PIAS3: variants seen among roughly 807,000 people sequenced by gnomAD.
The protein encoded by PIAS3 is E3 SUMO-protein ligase PIAS3.
In PIAS3, 34 loss-of-function variants were observed where a neutral mutation model predicts 67.6. That is an observed-to-expected ratio of 0.50 (90% confidence interval 0.38 to 0.67). PIAS3 has a LOEUF of 0.67. PIAS3 is among the 30% of genes least tolerant of loss of function. PIAS3 has a pLI of 0.00. For missense variants in PIAS3, 693 were observed against 791.6 expected (o/e 0.88, Z 1.49); for synonymous variants, 341 against 313.8 (o/e 1.09, Z -0.92).
At chr1:145,858,865 G>T (rs1553736102) in intron 1 of PIAS3, 102 bp downstream of exon 1, 3 of 1,096,644 alleles carry the variant, frequency 2.7e-6, no homozygotes, top group Non-Finnish European at 3.7e-6. Flanking sequence ...CTGCCACGTC[G>T]TCGGCGCCCA....
At chr1:145,849,877 C>A (rs934599176) in intron 13 of PIAS3, 165 bp from the exon 14 acceptor site, 3 of 1,468,478 alleles carry the variant, frequency 2.0e-6, no homozygotes, top group African/African-American at 1.4e-5. Flanking sequence ...TTCCCTACAC[C>A]CTTCCCCTTT....
intron 9 of PIAS3, 43 bp from the exon 10 acceptor site, chr1:145,851,196 A>G (rs1652949022): frequency 6.2e-7 from 1 of 1,604,556 alleles, no homozygotes; most frequent in Non-Finnish European, 8.5e-7. Flanking sequence ...CTGGGAGATG[A>G]GCAGAACAGT....
chr1:145,856,554 A>G (rs1653196130), intron 2 of PIAS3, 35 bp downstream of exon 2: 2 of 1,583,458 alleles, frequency 1.3e-6, no homozygotes. Context: ...ACAGGTAGGG[A>G]GTCCAGAAGA....
At chr1:145,850,681 T>C in intron 11 of PIAS3, 90 bp downstream of exon 11, 1 of 1,595,714 alleles carries the variant, frequency 6.3e-7, no homozygotes, top group Non-Finnish European at 8.6e-7. Flanking sequence ...TCCACATTTC[T>C]CTTGCCCCAG....
chr1:145,854,291 A>G, intron 7 of PIAS3, 167 bp downstream of exon 7: 1 of 617,202 alleles, frequency 1.6e-6, no homozygotes, highest in Non-Finnish European at 2.9e-6. Context: ...TCCAACTTCA[A>G]CTATAAAGAC....
Position 145,856,412 on chromosome 1 carries a change from C to G in PIAS3, c.462G>C (p.Arg154=). ...PTTLASTSSQ[R]FEEAHFTFAL... Reference sequence around the variant, plus strand: ...CAAAGGTAAAGTGCGCTTCCTCAAACCGCTGGCTAGAAGTGGATGCTGAGG... The same window carrying G: ...CAAAGGTAAAGTGCGCTTCCTCAAAGCGCTGGCTAGAAGTGGATGCTGAGG... Residue 154 remains arginine, a synonymous_variant, in exon 3 of 14, where the codon CGG becomes CGC. Coordinates refer to ENST00000393045, the MANE Select transcript of PIAS3 (RefSeq NM_006099.3). 5.0e-6 allele frequency: 8 copies of G among 1,614,126 alleles called. No homozygotes were observed. Among genetic ancestry groups the G allele is most frequent in the Non-Finnish European group, 6.8e-6 (8 of 1,180,014 alleles).
chr1:145,851,011 G>T lies in PIAS3; in HGVS notation c.1279+9C>A. On this transcript the variant is annotated intron_variant, in intron 10 of 13. Coordinates refer to ENST00000393045, the MANE Select transcript of PIAS3 (RefSeq NM_006099.3). The stretch of plus-strand genomic sequence containing the variant: ...ATTTAGCTTAGCTGGGGAACAGGGG[G>T]TCACTCACCATCCAGCCCATACCCT... The T allele has an allele frequency of 1.2e-6, 2 of 1,614,208 alleles. No individual in the cohort carries two copies. The highest frequency in any genetic ancestry group is 1.7e-6 in the Non-Finnish European group (2 of 1,180,034).
chr1:145,852,131 G>T (rs1378441908), intron 9 of PIAS3, among the ~76,000 whole-genome samples: 1 of 152,118 alleles, frequency 6.6e-6, no homozygotes, highest in Non-Finnish European at 1.5e-5. Flanking sequence ...GGTAGCTCAT[G>T]CCTGCAATCC....
intron 1 of PIAS3, 140 bp downstream of exon 1, chr1:145,858,827 C>G (rs1653302382): frequency 1.5e-6 from 1 of 671,876 alleles, no homozygotes; most frequent in East Asian, 4.2e-5. Context: ...CTCTCAGCTA[C>G]TTCTCTCCCA....
chr1:145,852,858 T>G (rs1653016942), intron 9 of PIAS3, among the ~76,000 whole-genome samples: 1 of 152,112 alleles, frequency 6.6e-6, no homozygotes, highest in African/African-American at 2.4e-5. Flanking sequence ...AGCCTTCCAG[T>G]GTTGGAATTA....
chr1:145,849,535 C>A lies in PIAS3; in HGVS notation c.1798G>T (p.Gly600Trp). Residue 600 changes from glycine (G) to tryptophan (W), a missense_variant, in exon 14 of 14, where the codon GGG (glycine) becomes TGG (tryptophan). This residue lies in a region of PIAS3 where 270 missense variants were observed against 261.0 expected (regional missense o/e 1.03). Transcript: ENST00000393045. ...PGRVSSIVAPGGALREGHGGP... is the reference protein window; with the variant it reads ...PGRVSSIVAPWGALREGHGGP... ...CCATGCCCCTCCCTCAAGGCCCCCC[C>A]AGGGGCCACAATGCTGCTGACACGG... The A allele has an allele frequency of 6.3e-7, 1 of 1,591,928 alleles. No individual in the cohort carries two copies. Among genetic ancestry groups the A allele is most frequent in the Non-Finnish European group, 8.5e-7 (1 of 1,170,572 alleles).
rs782296363 is a variant in PIAS3 at position 145,856,604 on chromosome 1, G to A, written c.427C>T (p.Arg143Trp). 1.3e-5 allele frequency: 20 copies of A among 1,565,748 alleles called. No homozygotes were observed. Among genetic ancestry groups the A allele is most frequent in the East Asian group, 2.2e-5 (1 of 44,464 alleles). ...AGAGCCATACCAAGGGTGGTGGGCC[G>A]GATGAGCTCCCCATAGACTTCATAG... ...PFYEVYGELI[R>W]PTTLASTSSQ... The change falls in exon 2 of 14, where the codon CGG becomes TGG. Residue 143 changes from arginine to tryptophan, a missense_variant. By Grantham distance (101) the Arg-to-Trp change is moderately radical. Around this residue, in one of 3 missense-constraint regions of PIAS3, gnomAD observed 308 missense variants for 348.8 expected, o/e 0.88. Coordinates refer to ENST00000393045, the MANE Select transcript of PIAS3 (RefSeq NM_006099.3).
In PIAS3 at chr1:145,855,198, C is replaced by G. The variant is rs587746586; in HGVS notation, c.670-318G>C. Among the ~76,000 whole-genome samples the G allele has an allele frequency of 4.2e-4, 64 of 152,284 alleles. 1 individual carries two copies. In the South Asian group the frequency reaches 0.013, roughly 31 times the overall value. Reference sequence around the variant, plus strand: ...CTCTCAGCTCTGGGGTCAAGTCTTTCTGGCCGGGTGTACTGGCTCATGCCT... The same window carrying G: ...CTCTCAGCTCTGGGGTCAAGTCTTTGTGGCCGGGTGTACTGGCTCATGCCT... On this transcript the variant is annotated intron_variant, in intron 5 of 13. Coordinates refer to ENST00000393045, the MANE Select transcript of PIAS3 (RefSeq NM_006099.3).
In PIAS3 at chr1:145,857,170, A is replaced by T. The variant is rs782051841; in HGVS notation, c.25-164T>A. On this transcript the variant is annotated intron_variant, in intron 1 of 13. Coordinates refer to ENST00000393045, the MANE Select transcript of PIAS3 (RefSeq NM_006099.3). ...TACTGCCAGGTAGTCGACCTATCCA[A>T]AGGGACATCTCAGTCCCACTTTAGC... 4.0e-5 allele frequency: 26 copies of T among 644,030 alleles called. 2 individuals carry two copies. Among genetic ancestry groups the T allele is most frequent in the Middle Eastern group, 7.5e-4 (2 of 2,650 alleles). The allele number at this position is 644,030 out of a possible 1,614,324, so 39.9% of individuals were successfully genotyped here.
chr1:145,856,717 G>C lies in PIAS3; in HGVS notation c.314C>G (p.Thr105Ser). 6.2e-7 allele frequency: 1 copy of C among 1,613,532 alleles called. No homozygotes were observed. Among genetic ancestry groups the C allele is most frequent in the Non-Finnish European group, 8.5e-7 (1 of 1,179,556 alleles). The change falls in exon 2 of 14, where the codon ACC (threonine) becomes AGC (serine). Residue 105 changes from threonine (T) to serine (S), a missense_variant. Physicochemically the swap from Thr to Ser is moderately conservative, Grantham distance 58. Coordinates refer to ENST00000393045, the MANE Select transcript of PIAS3 (RefSeq NM_006099.3). ...PIPPTLLAPG[T>S]LLGPKREVDM... The stretch of plus-strand genomic sequence containing the variant: ...CACCTCACGCTTGGGGCCCAGCAGG[G>C]TGCCAGGGGCCAACAGCGTTGGGGG...
chr1:145,849,649 A>C lies in PIAS3; in HGVS notation c.1684T>G (p.Tyr562Asp), dbSNP rs1301007151. 6.2e-7 allele frequency: 1 copy of C among 1,613,138 alleles called. No individual in the cohort carries two copies. The highest frequency in any genetic ancestry group is 8.5e-7 in the Non-Finnish European group (1 of 1,179,632). Residue 562 changes from tyrosine to aspartate, a missense_variant, in exon 14 of 14, where the codon TAC (tyrosine) becomes GAC (aspartate). This residue lies in a region of PIAS3 where 270 missense variants were observed against 261.0 expected (regional missense o/e 1.03). Transcript: ENST00000393045. The part of the protein sequence containing the change: ...EQDALGHFFQ[Y>D]RGTPSHFLGP... ...AGAAAGTGAGAAGGGGTCCCTCGGT[A>C]CTGGAAGAAGTGGCCAAGGGCATCC...
chr1:145,849,145 C>T lies in PIAS3; in HGVS notation c.*301G>A, dbSNP rs1454857373. On this transcript the variant is annotated 3_prime_UTR_variant, in exon 14 of 14. Transcript: ENST00000393045. Reference sequence around the variant, plus strand: ...AGTCAAGGCTGAGGGTTCAGCCCTTCTCCTAGCTCACATACCATCCCATTT... The same window carrying T: ...AGTCAAGGCTGAGGGTTCAGCCCTTTTCCTAGCTCACATACCATCCCATTT... 2 of 254,750 alleles carry T rather than the reference C, an allele frequency of 7.9e-6. No homozygotes were observed. The highest frequency in any genetic ancestry group is 2.2e-5 in the African/African-American group (1 of 45,232). The allele number at this position is 254,750 out of a possible 1,614,324, so 15.8% of individuals were successfully genotyped here.
chr1:145,858,850 C>T (rs1483848894), intron 1 of PIAS3, 117 bp downstream of exon 1: 2 of 925,088 alleles, frequency 2.2e-6, no homozygotes, highest in African/African-American at 1.8e-5. Context: ...CTCAGCAGCT[C>T]GTGCCTGCCA....
Position 145,856,844 on chromosome 1 carries a change from G to T in PIAS3, c.187C>A (p.Arg63=), listed in dbSNP as rs868988923. The part of the protein sequence containing the change: ...VQMKIKELYR[R]RFPRKTLGPS... ...CCCAGGGTCTTCCGGGGAAAGCGTC[G>T]TCGGTAAAGCTCTTTGATCTTCATC... Residue 63 remains arginine (R), a synonymous_variant, in exon 2 of 14, where the codon CGA becomes AGA. Coordinates refer to ENST00000393045, the MANE Select transcript of PIAS3 (RefSeq NM_006099.3). The T allele has an allele frequency of 3.1e-6, 5 of 1,614,018 alleles. No individual in the cohort carries two copies. In the African/African-American group the frequency reaches 6.7e-5, roughly 22 times the overall value.
Sources: gnomAD v4.1 joint callset for allele counts (sites outside exome capture counted in the v4.1 genomes callset) on GRCh38, gnomAD v4.1.1 for gene constraint, gnomAD v4.1.1 regional missense constraint, MANE v1.5 for transcripts, NCBI Gene and HGNC (gene_info 2026-07-23, HGNC 2026-07-21) for gene names.